Variants in RBFOX1 observed in about 807,000 individuals in gnomAD.
RBFOX1 encodes RNA binding protein fox-1 homolog 1.
Under a neutral mutation model 57.7 loss-of-function variants are expected in RBFOX1, and 8 were observed. The ratio of observed to expected loss-of-function variants is 0.14; its 90% confidence interval spans 0.08 to 0.25. The LOEUF (loss-of-function observed/expected upper bound fraction) is 0.25, where lower values mean the gene tolerates loss of function less well. Among genes scored for constraint, RBFOX1 ranks in the 10% least tolerant of loss-of-function variants. The probability of loss-of-function intolerance (pLI) is 1.00; values close to 1 mark genes in which losing one functional copy is unlikely to be tolerated. For synonymous variants in RBFOX1, 326 were observed against 222.4 expected (o/e 1.47, Z -4.15); for missense variants, 611 against 548.5 (o/e 1.11, Z -1.14).
chr16:7,222,421 T>C (rs2092797168), intron 4 of RBFOX1, among the ~76,000 whole-genome samples: 1 of 152,328 alleles, frequency 6.6e-6, no homozygotes, highest in South Asian at 2.1e-4. Flanking sequence ...ACTGAACTGT[T>C]AGGGCATGTG....
At chr16:5,599,403 G>C (rs2047293070) in exon 3 of RBFOX1, 1 of 584,084 alleles carries the variant, frequency 1.7e-6, no homozygotes, top group Admixed American at 3.2e-5. Flanking sequence ...ATTGGGCTTG[G>C]AGTCACTGGG....
chr16:6,021,686 C>A (rs1403353543), intron 1 of RBFOX1, among the ~76,000 whole-genome samples: 2 of 152,132 alleles, frequency 1.3e-5, no homozygotes, highest in African/African-American at 4.8e-5. Flanking sequence ...CCTTAGGGGT[C>A]CAGAGAGTGG....
At chr16:7,615,922 T>A (rs2058364200) in intron 10 of RBFOX1, among the ~76,000 whole-genome samples, 1 of 152,216 alleles carries the variant, frequency 6.6e-6, no homozygotes, top group African/African-American at 2.4e-5. Context: ...CGGAATACCT[T>A]AACAACTCTC....
chr16:6,471,279 A>G (rs1452796608), intron 2 of RBFOX1, among the ~76,000 whole-genome samples: 1 of 152,150 alleles, frequency 6.6e-6, no homozygotes, highest in Non-Finnish European at 1.5e-5. Context: ...TCACCTTTTG[A>G]ATTCTCTGAA....
intron 3 of RBFOX1, among the ~76,000 whole-genome samples, chr16:6,935,659 T>G (rs1298259240): frequency 1.3e-5 from 2 of 152,196 alleles, no homozygotes; most frequent in African/African-American, 2.4e-5. Context: ...ATCTTATTCT[T>G]AAATGTAATG....
At chr16:6,955,249 A>G (rs902909635) in intron 3 of RBFOX1, among the ~76,000 whole-genome samples, 4 of 149,334 alleles carry the variant, frequency 2.7e-5, no homozygotes, top group African/African-American at 1.0e-4. Flanking sequence ...TGGGAAGAAA[A>G]AAAGAAAAAA....
rs12599747 is a variant in RBFOX1, at chr16:6,442,877, G to T, written c.-64+125820G>T. Among the ~76,000 whole-genome samples the T allele has an allele frequency of 7.4e-4, 112 of 152,272 alleles. 1 individual carries two copies. In the East Asian group the frequency reaches 0.016, roughly 22 times the overall value. ...AACCTTGGAATATGATATCAGTTTG[G>T]TGCAAAAATGATTGTGTGTTTGCCA... On this transcript the variant is annotated intron_variant, in intron 2 of 15. Coordinates refer to ENST00000550418, the MANE Select transcript of RBFOX1 (RefSeq NM_018723.4).
chr16:6,674,630 C>A (rs146545240), intron 3 of RBFOX1, among the ~76,000 whole-genome samples: 1 of 152,118 alleles, frequency 6.6e-6, no homozygotes, highest in East Asian at 1.9e-4. Flanking sequence ...CCCGAATGGG[C>A]TCTTATAAGA....
chr16:7,503,827 A>G (rs145016050), intron 4 of RBFOX1, among the ~76,000 whole-genome samples: 1 of 152,132 alleles, frequency 6.6e-6, no homozygotes, highest in Non-Finnish European at 1.5e-5. Flanking sequence ...CCTTCTGTCC[A>G]TACAAGTATA....
At chr16:5,896,576 A>G (rs2058168280) in intron 4 of RBFOX1, among the ~76,000 whole-genome samples, 1 of 152,220 alleles carries the variant, frequency 6.6e-6, no homozygotes, top group East Asian at 1.9e-4. Context: ...TACAGCTTGC[A>G]GAACCATGAG....
At chr16:6,731,825 C>A (rs920797235) in intron 3 of RBFOX1, among the ~76,000 whole-genome samples, 3 of 152,112 alleles carry the variant, frequency 2.0e-5, no homozygotes, top group African/African-American at 7.2e-5. Flanking sequence ...CCAAAATGAA[C>A]AACGTTTTCT....
intron 3 of RBFOX1, among the ~76,000 whole-genome samples, chr16:7,011,209 C>T (rs568064037): frequency 1.4e-4 from 21 of 152,248 alleles, no homozygotes; most frequent in Admixed American, 1.0e-3. Flanking sequence ...TTCGTGGAGT[C>T]CTCATACCAT....
chr16:6,679,040 A>T (rs573515160), intron 3 of RBFOX1, among the ~76,000 whole-genome samples: 1 of 152,112 alleles, frequency 6.6e-6, no homozygotes, highest in East Asian at 1.9e-4. Context: ...TGTTGCTATT[A>T]TATCTCTAAC....
chr16:6,809,042 G>A (rs1353991844), intron 3 of RBFOX1, among the ~76,000 whole-genome samples: 1 of 152,156 alleles, frequency 6.6e-6, no homozygotes, highest in Admixed American at 6.5e-5. Context: ...AACAATAGTT[G>A]AGTCTTGGCC....
intron 1 of RBFOX1, among the ~76,000 whole-genome samples, chr16:6,083,278 C>T (rs1384448160): frequency 6.6e-6 from 1 of 152,132 alleles, no homozygotes; most frequent in Non-Finnish European, 1.5e-5. Context: ...TCTAGGATTA[C>T]AGGCGTGAGC....
chr16:6,680,882 G>A (rs999740288), intron 3 of RBFOX1, among the ~76,000 whole-genome samples: 1 of 152,186 alleles, frequency 6.6e-6, no homozygotes, highest in Non-Finnish European at 1.5e-5. Context: ...ACCATGGTGA[G>A]CATAGAATTG....
At chr16:7,211,603 A>G (rs999966937) in intron 4 of RBFOX1, among the ~76,000 whole-genome samples, 4 of 152,088 alleles carry the variant, frequency 2.6e-5, no homozygotes, top group African/African-American at 9.7e-5. Flanking sequence ...GAGTTGTTGA[A>G]ATCTAGAGGC....
chr16:5,669,526 TCTC>T (rs923862205), intron 3 of RBFOX1, among the ~76,000 whole-genome samples: 38 of 147,328 alleles, frequency 2.6e-4, no homozygotes, highest in African/African-American at 9.0e-4. Flanking sequence ...TTCAAGCAAT[TCTC>T]CTGCCTCAGC....
At chr16:7,138,817 C>A (rs1207200228) in intron 4 of RBFOX1, among the ~76,000 whole-genome samples, 4 of 152,068 alleles carry the variant, frequency 2.6e-5, no homozygotes, top group Admixed American at 6.6e-5. Context: ...TAAACTCAGA[C>A]TTTTTTTATA....
Sources: gnomAD v4.1 joint callset for allele counts (sites outside exome capture counted in the v4.1 genomes callset) on GRCh38, gnomAD v4.1.1 for gene constraint, MANE v1.5 for transcripts, NCBI Gene and HGNC (gene_info 2026-07-23, HGNC 2026-07-21) for gene names.